Variants in SGCG observed in about 807,000 individuals in gnomAD.
SGCG encodes gamma-sarcoglycan.
Under a neutral mutation model 29.3 loss-of-function variants are expected in SGCG, and 26 were observed. That is an observed-to-expected ratio of 0.89 (90% CI 0.65 to 1.23). The LOEUF (loss-of-function observed/expected upper bound fraction) is 1.23. Among genes scored for constraint, SGCG ranks in the 50% most tolerant of loss-of-function variants. The pLI is 0.00. For synonymous variants in SGCG, 145 were observed against 129.7 expected (o/e 1.12, Z -0.80); for missense variants, 353 against 356.0 (o/e 0.99, Z 0.07).
At chr13:23,190,729 G>A (rs1877213897) in intron 1 of SGCG, among the ~76,000 whole-genome samples, 1 of 152,156 alleles carries the variant, frequency 6.6e-6, no homozygotes, top group Admixed American at 6.5e-5. Flanking sequence ...CACCTGTTGT[G>A]AGGAAGACAG....
At chr13:23,286,438 G>A (rs78955256) in intron 5 of SGCG, among the ~76,000 whole-genome samples, 412 of 152,222 alleles carry the variant, frequency 2.7e-3, no homozygotes, top group African/African-American at 9.2e-3. Flanking sequence ...TTCAAAGATC[G>A]GTAACCTTAA....
At chr13:23,209,695 G>A (rs576021917) in intron 2 of SGCG, among the ~76,000 whole-genome samples, 1 of 152,248 alleles carries the variant, frequency 6.6e-6, no homozygotes, top group South Asian at 2.1e-4. Flanking sequence ...CTTTGTGTTT[G>A]ATGATTTTGC....
intron 4 of SGCG, among the ~76,000 whole-genome samples, chr13:23,255,062 C>G (rs1880126675): frequency 6.6e-6 from 1 of 152,180 alleles, no homozygotes; most frequent in African/African-American, 2.4e-5. Context: ...GGGTGAAAGC[C>G]CCAAAGTCCC....
chr13:23,193,204 G>A (rs1877349909), intron 1 of SGCG, among the ~76,000 whole-genome samples: 1 of 152,208 alleles, frequency 6.6e-6, no homozygotes, highest in South Asian at 2.1e-4. Flanking sequence ...CCATTTGAGG[G>A]ATGGAAAGGC....
chr13:23,239,543 T>G (rs1016450696), intron 3 of SGCG, among the ~76,000 whole-genome samples: 1 of 152,158 alleles, frequency 6.6e-6, no homozygotes, highest in African/African-American at 2.4e-5. Context: ...GAAAAAAATT[T>G]TAAATACCAG....
chr13:23,296,249 G>C (rs996511602), intron 6 of SGCG, among the ~76,000 whole-genome samples: 3 of 152,208 alleles, frequency 2.0e-5, no homozygotes, highest in Non-Finnish European at 4.4e-5. Context: ...GGTGCCTTAT[G>C]TGGCCGTGAA....
chr13:23,322,765 T>TCCCCCCCCCCCCCCCCCCCCCCCCC (rs1189871837), intron 7 of SGCG, among the ~76,000 whole-genome samples: 2 of 61,480 alleles, frequency 3.3e-5, no homozygotes, highest in Admixed American at 1.9e-4. Context: ...CCCCCACCCA[T>TCCCCCCCCCCCCCCCCCCCCCCCCC]CCACCTCCCC....
chr13:23,294,147 T>C (rs1035950576), intron 5 of SGCG, among the ~76,000 whole-genome samples: 3 of 152,182 alleles, frequency 2.0e-5, no homozygotes, highest in Admixed American at 2.0e-4. Flanking sequence ...AAAAACTCTT[T>C]GCAAGTGGCA....
intron 5 of SGCG, among the ~76,000 whole-genome samples, chr13:23,284,295 T>C (rs1050865584): frequency 1.3e-4 from 20 of 152,210 alleles, no homozygotes; most frequent in African/African-American, 4.8e-4. Context: ...TTGATGGCTT[T>C]GTTCATTCCT....
intron 6 of SGCG, among the ~76,000 whole-genome samples, chr13:23,314,905 T>C (rs945864262): frequency 2.0e-5 from 3 of 152,148 alleles, no homozygotes; most frequent in Non-Finnish European, 2.9e-5. Context: ...CATTTGGGTG[T>C]GTTACTTCGG....
intron 2 of SGCG, among the ~76,000 whole-genome samples, chr13:23,223,276 CAAAAAAAA>C (rs10569811): frequency 5.8e-5 from 6 of 103,824 alleles, no homozygotes; most frequent in Non-Finnish European, 7.7e-5. Context: ...GACTCTGTCA[CAAAAAAAA>C]AAAAAAAAAA....
At chr13:23,222,975 G>T (rs1262394531) in intron 2 of SGCG, among the ~76,000 whole-genome samples, 1 of 151,830 alleles carries the variant, frequency 6.6e-6, no homozygotes, top group Non-Finnish European at 1.5e-5. Flanking sequence ...CATTTCGGGG[G>T]CCCAGAATAA....
intron 3 of SGCG, among the ~76,000 whole-genome samples, chr13:23,242,503 C>T (rs946492594): frequency 1.3e-5 from 2 of 152,126 alleles, no homozygotes; most frequent in East Asian, 1.9e-4. Context: ...AAAAGTTCTA[C>T]GTTCTATGAT....
chr13:23,187,574 C>T (rs549320503), intron 1 of SGCG, among the ~76,000 whole-genome samples: 2 of 152,176 alleles, frequency 1.3e-5, no homozygotes, highest in Non-Finnish European at 2.9e-5. Context: ...CCAAATGTGG[C>T]CCGTTTCCTC....
chr13:23,249,000 A>G (rs1434218048), intron 3 of SGCG, among the ~76,000 whole-genome samples: 1 of 145,642 alleles, frequency 6.9e-6, no homozygotes, highest in Non-Finnish European at 1.5e-5. Flanking sequence ...CAGAAAAGAA[A>G]AAAAAAAAAA....
chr13:23,164,346 G>C, the SGCG span, among the ~76,000 whole-genome samples: 1 of 152,148 alleles, frequency 6.6e-6, no homozygotes, highest in Non-Finnish European at 1.5e-5. Context: ...TTATTGTGTT[G>C]ATGGAACTCC....
chr13:23,213,468 T>A (rs1227660066), intron 2 of SGCG, among the ~76,000 whole-genome samples: 1 of 151,950 alleles, frequency 6.6e-6, no homozygotes, highest in Non-Finnish European at 1.5e-5. Flanking sequence ...GGTGACAGAG[T>A]GAGACTCCGT....
chr13:23,287,371 A>G (rs912937773), intron 5 of SGCG, among the ~76,000 whole-genome samples: 1 of 151,486 alleles, frequency 6.6e-6, no homozygotes, highest in Admixed American at 6.6e-5. Context: ...GCAGGAAACA[A>G]GAAATGAGCC....
At chr13:23,299,429 TATATATATATATATATATATATATA>T (rs1882041685) in intron 6 of SGCG, among the ~76,000 whole-genome samples, 4 of 14,248 alleles carry the variant, frequency 2.8e-4, no homozygotes, top group African/African-American at 5.6e-4. Context: ...TATATATATA[TATATATATATATATATATATATATA>T]TATTTTTTTT....
Sources: gnomAD v4.1 joint callset for allele counts (sites outside exome capture counted in the v4.1 genomes callset) on GRCh38, gnomAD v4.1.1 for gene constraint, MANE v1.5 for transcripts, NCBI Gene and HGNC (gene_info 2026-07-23, HGNC 2026-07-21) for gene names.